CCND3: variants seen among roughly 807,000 people sequenced by gnomAD.
CCND3 encodes the protein G1/S-specific cyclin-D3.
In CCND3, 9 loss-of-function variants were observed where a neutral mutation model predicts 28.7. That is an observed-to-expected ratio of 0.31 (90% CI 0.19 to 0.55). The LOEUF is 0.55. Among genes scored for constraint, CCND3 ranks in the 20% least tolerant of loss-of-function variants. CCND3 has a pLI of 0.93. For synonymous variants in CCND3, 164 were observed against 163.9 expected (o/e 1.00, Z 0.00); for missense variants, 315 against 385.8 (o/e 0.82, Z 1.54).
intron 1 of CCND3, among the ~76,000 whole-genome samples, chr6:41,994,855 C>T (rs1366709619): frequency 6.6e-6 from 1 of 151,978 alleles, no homozygotes; most frequent in Non-Finnish European, 1.5e-5. Context: ...GGGCAGATCA[C>T]GAGGTCAGGA....
At chr6:41,993,886 G>A (rs1469634232) in intron 1 of CCND3, among the ~76,000 whole-genome samples, 1 of 143,464 alleles carries the variant, frequency 7.0e-6, no homozygotes, top group Non-Finnish European at 1.5e-5. Flanking sequence ...TCACACCACT[G>A]CACTCCAGCC....
Position 41,936,941 on chromosome 6 carries a change from T to C in CCND3, c.575-246A>G, listed in dbSNP as rs1025244776. On this transcript the variant is annotated intron_variant, in intron 3 of 4. Coordinates refer to ENST00000372991, the MANE Select transcript of CCND3 (RefSeq NM_001760.5). This position sits in a 1 kb window ranked among gnomAD's most constrained non-coding sequence, Gnocchi z 4.4. Reference sequence around the variant, plus strand: ...GGAATAGACAAGACACTCCCTAGTATGGGAACACAACTAGGGCCAAGAGAC... The same window carrying C: ...GGAATAGACAAGACACTCCCTAGTACGGGAACACAACTAGGGCCAAGAGAC... 1 of 594,878 alleles carries C rather than the reference T, an allele frequency of 1.7e-6. No individual in the cohort carries two copies. The highest frequency in any genetic ancestry group is 1.9e-5 in the African/African-American group (1 of 53,764). 36.8% of individuals were successfully genotyped at this position (594,878 alleles called of 1,614,324 possible).
intron 1 of CCND3, among the ~76,000 whole-genome samples, chr6:41,982,635 G>A (rs546173853): frequency 4.6e-5 from 7 of 152,182 alleles, no homozygotes; most frequent in Admixed American, 4.6e-4. Context: ...TAATATTAAA[G>A]GAAAAGAACA....
chr6:42,041,139 T>C lies in CCND3; in HGVS notation c.-46+7362A>G, dbSNP rs891785314. 4.6e-5 allele frequency among the ~76,000 whole-genome samples: 7 copies of C among 152,134 alleles called. No homozygotes were observed. The East Asian group carries it at 9.7e-4, about 21-fold the overall frequency. The stretch of plus-strand genomic sequence containing the variant: ...GATTCCCACAAGAAGCACCAAAAAA[T>C]GACTTCTAGAACCTGTGTCAGAGGA... On this transcript the variant is annotated intron_variant, in intron 1 of 4. Transcript: ENST00000372988.
chr6:41,959,113 G>A (rs1447332795), intron 1 of CCND3, among the ~76,000 whole-genome samples: 6 of 152,084 alleles, frequency 3.9e-5, no homozygotes, highest in South Asian at 2.1e-4. Flanking sequence ...TCAGGAGTTC[G>A]AGACCAGCCT....
At chr6:41,964,469 TGTGTGA>T (rs767482474) in intron 1 of CCND3, among the ~76,000 whole-genome samples, 184 of 134,882 alleles carry the variant, frequency 1.4e-3, no homozygotes, top group African/African-American at 4.5e-3. Flanking sequence ...TGTGAGTGTG[TGTGTGA>T]GTGTGTGTGA....
intron 1 of CCND3, among the ~76,000 whole-genome samples, chr6:41,959,340 C>G (rs1267786180): frequency 6.6e-6 from 1 of 151,208 alleles, no homozygotes; most frequent in African/African-American, 2.4e-5. Flanking sequence ...CAAAACAAAA[C>G]CAAACAAACA....
intron 1 of CCND3, among the ~76,000 whole-genome samples, chr6:42,034,467 T>A (rs891697140): frequency 9.5e-6 from 1 of 105,552 alleles, no homozygotes; most frequent in Non-Finnish European, 1.9e-5. Flanking sequence ...ACCCTGTCAC[T>A]CTTTTTTTTT....
Position 41,939,934 on chromosome 6 carries a change from C to G in CCND3, c.414+436G>C, listed in dbSNP as rs1775935865. Among the ~76,000 whole-genome samples the G allele has an allele frequency of 6.6e-6, 1 of 152,168 alleles. No individual in the cohort carries two copies. Among genetic ancestry groups the G allele is most frequent in the South Asian group, 2.1e-4 (1 of 4,830 alleles). ...CAAAGTCCACATGAGGATAAAGACT[C>G]AACCAAGGCAAAACCCCCTCCCCCA... On this transcript the variant is annotated intron_variant, in intron 2 of 4. Coordinates refer to ENST00000372991, the MANE Select transcript of CCND3 (RefSeq NM_001760.5). This position sits in a 1 kb window ranked among gnomAD's most constrained non-coding sequence, Gnocchi z 4.2.
chr6:41,946,433 C>CA (rs1239455007), upstream of CCND3, among the ~76,000 whole-genome samples: 106 of 145,012 alleles, frequency 7.3e-4, no homozygotes, highest in East Asian at 0.017. Context: ...CCATCTCTAC[C>CA]AAAAAAAAAA....
intron 1 of CCND3, among the ~76,000 whole-genome samples, chr6:42,036,628 T>A (rs898816909): frequency 4.6e-5 from 7 of 151,144 alleles, no homozygotes; most frequent in Non-Finnish European, 1.0e-4. Flanking sequence ...GGTCTCCAAC[T>A]CCTGGGCTCA....
intron 1 of CCND3, among the ~76,000 whole-genome samples, chr6:41,963,015 T>G (rs1210338626): frequency 6.6e-6 from 1 of 152,170 alleles, no homozygotes; most frequent in Non-Finnish European, 1.5e-5. Context: ...CCTCCCAAAG[T>G]GCTGGGATTA....
intron 1 of CCND3, among the ~76,000 whole-genome samples, chr6:42,004,967 A>G (rs1763135315): frequency 6.6e-6 from 1 of 152,216 alleles, no homozygotes; most frequent in South Asian, 2.1e-4. Context: ...GGAATATTCT[A>G]TCAAACATTA....
chr6:41,950,893 A>T (rs556998206), intron 1 of CCND3, among the ~76,000 whole-genome samples: 2 of 151,856 alleles, frequency 1.3e-5, no homozygotes, highest in South Asian at 4.2e-4. Flanking sequence ...TATTTTTAGT[A>T]GAGTTGGGGT....
chr6:42,017,148 GC>G (rs1435768827), intron 1 of CCND3, among the ~76,000 whole-genome samples: 2 of 152,134 alleles, frequency 1.3e-5, no homozygotes, highest in African/African-American at 2.4e-5. Context: ...ACAGCATCCT[GC>G]AGGTCTCCAC....
chr6:42,033,356 G>A (rs192697844), intron 1 of CCND3, among the ~76,000 whole-genome samples: 20 of 151,800 alleles, frequency 1.3e-4, no homozygotes, highest in Middle Eastern at 6.8e-3. Context: ...AGGCTAAGGC[G>A]GGAGAATCAC....
In CCND3 at chr6:41,996,958, T is replaced by C. The variant is rs542009072; in HGVS notation, c.-46+51543A>G. On this transcript the variant is annotated intron_variant, in intron 1 of 4. Transcript: ENST00000372988. Reference sequence around the variant, plus strand: ...GATTACAGGCGTGAGCCACAGCACCTGGCCATCTTACCCATTTTTATATCC... The same window carrying C: ...GATTACAGGCGTGAGCCACAGCACCCGGCCATCTTACCCATTTTTATATCC... 3.9e-5 allele frequency among the ~76,000 whole-genome samples: 6 copies of C among 152,298 alleles called. No individual in the cohort carries two copies. In the East Asian group the frequency reaches 1.2e-3, roughly 29 times the overall value.
At chr6:42,028,263 G>A (rs1355843556) in intron 1 of CCND3, among the ~76,000 whole-genome samples, 1 of 152,200 alleles carries the variant, frequency 6.6e-6, no homozygotes, top group East Asian at 1.9e-4. Context: ...GAGTGGAAGA[G>A]AGAGCTGGGG....
chr6:42,032,562 G>A (rs1271453653), intron 1 of CCND3, among the ~76,000 whole-genome samples: 1 of 152,242 alleles, frequency 6.6e-6, no homozygotes, highest in Non-Finnish European at 1.5e-5. Flanking sequence ...GCACGGGCAC[G>A]CCCGCCTAGA....
Sources: allele counts gnomAD v4.1 joint callset (sites outside exome capture counted in the v4.1 genomes callset), GRCh38; gene constraint gnomAD v4.1.1; non-coding constraint Gnocchi (gnomAD v3.1); transcripts MANE v1.5; gene names NCBI Gene and HGNC (gene_info 2026-07-23, HGNC 2026-07-21).